The following DTNBP1 variants were observed in gnomAD, a reference collection of about 807,000 sequenced individuals.
DTNBP1 encodes the protein dystrobrevin binding protein 1.
DTNBP1 carries 35 observed loss-of-function variants against 42.8 expected under a neutral mutation model. The ratio of observed to expected loss-of-function variants is 0.82; its 90% CI spans 0.63 to 1.09. DTNBP1 has a LOEUF of 1.09. Ranked by LOEUF, DTNBP1 falls within the 50% of genes least tolerant of loss-of-function variation. The pLI, the probability that DTNBP1 is intolerant of heterozygous loss-of-function variation, is 0.00. For missense variants in DTNBP1, 457 were observed against 424.2 expected (o/e 1.08, Z -0.68); for synonymous variants, 171 against 162.2 (o/e 1.05, Z -0.41).
chr6:15,637,785 CAGCCCA>C lies in DTNBP1; in HGVS notation c.175_180del (p.Trp59_Ala60del). ...CAGTCTTTGGCTCTTCTGTGAAGTG[CAGCCCA>C]TGTATCCTCATACCTAAAAAAAAGC... On this transcript the variant is annotated inframe_deletion, in exon 4 of 10. Transcript: ENST00000344537. 1 of 1,613,504 alleles carries C rather than the reference CAGCCCA, an allele frequency of 6.2e-7. No individual in the cohort carries two copies. The highest frequency in any genetic ancestry group is 8.5e-7 in the Non-Finnish European group (1 of 1,179,994).
chr6:15,601,169 AC>A (rs1222658487), intron 6 of DTNBP1, among the ~76,000 whole-genome samples: 2 of 152,232 alleles, frequency 1.3e-5, no homozygotes, highest in Non-Finnish European at 2.9e-5. Context: ...TTTGTCAAGG[AC>A]CTTAGTTACT....
chr6:15,615,460 A>G, intron 5 of DTNBP1, 61 bp from the exon 6 acceptor site: 1 of 1,585,478 alleles, frequency 6.3e-7, no homozygotes, highest in South Asian at 1.1e-5. Context: ...TGATGAATAC[A>G]AAAAGTATCA....
intron 7 of DTNBP1, among the ~76,000 whole-genome samples, chr6:15,543,845 C>G (rs1342135916): frequency 6.6e-6 from 1 of 152,184 alleles, no homozygotes; most frequent in Non-Finnish European, 1.5e-5. Flanking sequence ...TTAAAAGAGA[C>G]AATTGGAATT....
intron 6 of DTNBP1, among the ~76,000 whole-genome samples, chr6:15,613,961 A>C (rs1249746062): frequency 6.6e-6 from 1 of 152,136 alleles, no homozygotes; most frequent in Non-Finnish European, 1.5e-5. Context: ...AGGCTTGTGG[A>C]ATAAGGAGTC....
At chr6:15,592,077 C>T (rs1776322916) in intron 7 of DTNBP1, among the ~76,000 whole-genome samples, 1 of 152,182 alleles carries the variant, frequency 6.6e-6, no homozygotes. Flanking sequence ...CCAAACAAAG[C>T]TGTTCAATAA....
At chr6:15,523,908 T>C (rs758749828) in intron 9 of DTNBP1, 1 of 1,287,234 alleles carries the variant, frequency 7.8e-7, no homozygotes, top group Non-Finnish European at 1.0e-6. Flanking sequence ...ATGGCTGAGG[T>C]GCTGCTGGGA....
chr6:15,564,752 G>T (rs1355697111), intron 7 of DTNBP1, among the ~76,000 whole-genome samples: 1 of 152,054 alleles, frequency 6.6e-6, no homozygotes, highest in Admixed American at 6.6e-5. Context: ...TACCAAAGAA[G>T]ATACACAAAT....
At chr6:15,537,729 ACACT>A (rs1411846112) in intron 7 of DTNBP1, among the ~76,000 whole-genome samples, 1 of 152,094 alleles carries the variant, frequency 6.6e-6, no homozygotes, top group Non-Finnish European at 1.5e-5. Context: ...TCCCACGCTC[ACACT>A]CTCTCCTACT....
chr6:15,534,782 C>T (rs1051005255), intron 7 of DTNBP1, among the ~76,000 whole-genome samples: 2 of 151,770 alleles, frequency 1.3e-5, no homozygotes, highest in Admixed American at 6.6e-5. Flanking sequence ...AATCAGTTAA[C>T]CTTCTCATCT....
intron 7 of DTNBP1, among the ~76,000 whole-genome samples, chr6:15,582,640 A>T (rs1477080985): frequency 6.6e-6 from 1 of 152,202 alleles, no homozygotes; most frequent in Non-Finnish European, 1.5e-5. Context: ...GATAATTCTT[A>T]TTACATATAC....
At position 15,662,904 on chromosome 6, in the gene DTNBP1, G is replaced by A. The variant is rs1289052914; in HGVS notation, c.-35C>T. 6.9e-6 allele frequency: 11 copies of A among 1,601,074 alleles called. No individual in the cohort carries two copies. Among genetic ancestry groups the A allele is most frequent in the African/African-American group, 1.3e-5 (1 of 74,766 alleles). On this transcript the variant is annotated 5_prime_UTR_variant, in exon 1 of 10. Coordinates refer to ENST00000344537, the MANE Select transcript of DTNBP1 (RefSeq NM_032122.5). ...CGCCGGTCTCCTCTCCTCAGGCCTCGGGCTGCTGCTGCCTCTGTCGCCCCC... is the reference window on the plus strand; with the variant it reads ...CGCCGGTCTCCTCTCCTCAGGCCTCAGGCTGCTGCTGCCTCTGTCGCCCCC...
chr6:15,534,964 A>G (rs187354214), intron 7 of DTNBP1, among the ~76,000 whole-genome samples: 1 of 152,266 alleles, frequency 6.6e-6, no homozygotes, highest in African/African-American at 2.4e-5. Flanking sequence ...CAAGAACCCC[A>G]AATCTCCCAG....
intron 7 of DTNBP1, among the ~76,000 whole-genome samples, chr6:15,555,892 T>C (rs1213934246): frequency 6.6e-6 from 1 of 152,208 alleles, no homozygotes; most frequent in African/African-American, 2.4e-5. Context: ...AACCCTCTCT[T>C]GGGGTCTGGA....
intron 5 of DTNBP1, among the ~76,000 whole-genome samples, chr6:15,625,649 T>C (rs555266819): frequency 1.3e-5 from 2 of 152,278 alleles, no homozygotes; most frequent in South Asian, 4.1e-4. Context: ...ATGAAAATAA[T>C]GAGAACTGTG....
intron 7 of DTNBP1, chr6:15,585,780 A>C (rs1293792219): frequency 6.5e-7 from 1 of 1,532,518 alleles, no homozygotes; most frequent in Non-Finnish European, 8.7e-7. Flanking sequence ...GACCTGAAGG[A>C]GTGAACAGAA....
rs558990656 is a variant in DTNBP1 at position 15,542,801 on chromosome 6, T to C, written c.512-9406A>G. Reference sequence around the variant, plus strand: ...CCACCTCCTGGGTTTAAGTGATTCTTGTGTCTCAGCCTCCCGAGTAGCCGA... The same window carrying C: ...CCACCTCCTGGGTTTAAGTGATTCTCGTGTCTCAGCCTCCCGAGTAGCCGA... On this transcript the variant is annotated intron_variant, in intron 7 of 9. Coordinates refer to ENST00000344537, the MANE Select transcript of DTNBP1 (RefSeq NM_032122.5). Among the ~76,000 whole-genome samples the C allele has an allele frequency of 5.9e-5, 9 of 152,250 alleles. No individual in the cohort carries two copies. In the South Asian group the frequency reaches 1.7e-3, roughly 28 times the overall value.
intron 7 of DTNBP1, among the ~76,000 whole-genome samples, chr6:15,555,541 G>C (rs183346244): frequency 6.6e-6 from 1 of 152,298 alleles, no homozygotes; most frequent in East Asian, 1.9e-4. Context: ...AGTGACCTCT[G>C]GTTGTCCTCA....
chr6:15,581,981 A>G (rs1025889881), intron 7 of DTNBP1, among the ~76,000 whole-genome samples: 1 of 152,168 alleles, frequency 6.6e-6, no homozygotes, highest in Non-Finnish European at 1.5e-5. Context: ...GTTCTGCAGC[A>G]TAAATCAGCA....
intron 5 of DTNBP1, among the ~76,000 whole-genome samples, chr6:15,625,661 CA>C (rs1243492422): frequency 6.6e-6 from 1 of 152,132 alleles, no homozygotes; most frequent in Non-Finnish European, 1.5e-5. Context: ...AGAACTGTGG[CA>C]GAATGCATTT....
Sources: gnomAD v4.1 joint callset for allele counts (sites outside exome capture counted in the v4.1 genomes callset) on GRCh38, gnomAD v4.1.1 for gene constraint, MANE v1.5 for transcripts, NCBI Gene and HGNC (gene_info 2026-07-23, HGNC 2026-07-21) for gene names.